Variants in FHIT observed in about 807,000 individuals in gnomAD.
FHIT encodes the protein bis(5'-adenosyl)-triphosphatase.
FHIT carries 19 observed loss-of-function variants against 17.9 expected under a neutral mutation model. The ratio of observed to expected loss-of-function variants is 1.06; its 90% confidence interval spans 0.74 to 1.56. The LOEUF (loss-of-function observed/expected upper bound fraction) is 1.56. Ranked by LOEUF, FHIT falls within the 40% of genes most tolerant of loss-of-function variation. FHIT has a pLI of 0.00. For synonymous variants in FHIT, 81 were observed against 69.7 expected (o/e 1.16, Z -0.81); for missense variants, 248 against 189.2 (o/e 1.31, Z -1.82).
At chr3:60,647,891 G>A (rs1246605455) in intron 4 of FHIT, among the ~76,000 whole-genome samples, 1 of 152,122 alleles carries the variant, frequency 6.6e-6, no homozygotes, top group South Asian at 2.1e-4. Context: ...TTATATACCT[G>A]GTGGCTTAAC....
intron 4 of FHIT, among the ~76,000 whole-genome samples, chr3:60,579,171 C>T (rs1195087564): frequency 2.6e-5 from 4 of 152,102 alleles, no homozygotes; most frequent in African/African-American, 9.7e-5. Flanking sequence ...ATAGCACAAA[C>T]ATCATAAGAG....
chr3:60,353,460 C>G (rs998829574), intron 5 of FHIT, among the ~76,000 whole-genome samples: 1 of 152,096 alleles, frequency 6.6e-6, no homozygotes, highest in African/African-American at 2.4e-5. Context: ...TCAGGGCACA[C>G]AGAACCTGAA....
At chr3:60,391,859 T>C (rs748454371) in intron 5 of FHIT, among the ~76,000 whole-genome samples, 3 of 152,160 alleles carry the variant, frequency 2.0e-5, no homozygotes, top group African/African-American at 2.4e-5. Flanking sequence ...TGCATTATTA[T>C]ATGTATTAAA....
chr3:60,620,461 C>T (rs782713277), intron 4 of FHIT, among the ~76,000 whole-genome samples: 14 of 151,728 alleles, frequency 9.2e-5, no homozygotes, highest in Non-Finnish European at 1.9e-4. Context: ...TTCAGCCATA[C>T]TAAAAAGAAA....
At chr3:61,019,174 T>C (rs1362515862) in intron 3 of FHIT, among the ~76,000 whole-genome samples, 1 of 152,226 alleles carries the variant, frequency 6.6e-6, no homozygotes, top group African/African-American at 2.4e-5. Context: ...TCAGCAACAA[T>C]GTACCCATAT....
intron 3 of FHIT, among the ~76,000 whole-genome samples, chr3:60,956,202 A>G (rs1334603938): frequency 1.3e-5 from 2 of 152,164 alleles, no homozygotes; most frequent in Non-Finnish European, 2.9e-5. Flanking sequence ...ACATCACAAA[A>G]CCCATATGTA....
intron 4 of FHIT, among the ~76,000 whole-genome samples, chr3:60,702,844 T>C (rs2041280635): frequency 6.6e-6 from 1 of 152,188 alleles, no homozygotes; most frequent in Non-Finnish European, 1.5e-5. Context: ...TGTTTGATTA[T>C]AGGTCTTTAT....
At chr3:61,198,294 A>C (rs952610963) in intron 2 of FHIT, among the ~76,000 whole-genome samples, 1 of 152,180 alleles carries the variant, frequency 6.6e-6, no homozygotes, top group African/African-American at 2.4e-5. Flanking sequence ...GTGGTCTCAT[A>C]GTACATGTTG....
At chr3:61,228,962 C>T (rs2040034837) in intron 1 of FHIT, among the ~76,000 whole-genome samples, 1 of 152,088 alleles carries the variant, frequency 6.6e-6, no homozygotes, top group Non-Finnish European at 1.5e-5. Context: ...TCTTACCATG[C>T]GGAAGGGAAA....
chr3:60,593,369 T>A (rs1275090621), intron 4 of FHIT, among the ~76,000 whole-genome samples: 8 of 152,226 alleles, frequency 5.3e-5, no homozygotes, highest in Admixed American at 4.6e-4. Flanking sequence ...CTATAATAAT[T>A]TTCTCTGGCA....
At chr3:60,741,370 T>A (rs545140301) in intron 4 of FHIT, among the ~76,000 whole-genome samples, 1 of 152,178 alleles carries the variant, frequency 6.6e-6, no homozygotes, top group Non-Finnish European at 1.5e-5. Flanking sequence ...AGGAACCCTA[T>A]CTGAGCTGTC....
intron 7 of FHIT, among the ~76,000 whole-genome samples, chr3:59,964,422 T>C (rs746051573): frequency 1.1e-4 from 16 of 152,164 alleles, no homozygotes; most frequent in Admixed American, 3.9e-4. Flanking sequence ...GTTAATAAAG[T>C]ACATTGACAT....
rs9829652 is a variant in FHIT, at chr3:61,197,638, T to A, written c.-164+2979A>T. 8.4e-4 allele frequency among the ~76,000 whole-genome samples: 128 copies of A among 152,268 alleles called. 1 individual carries two copies. Among genetic ancestry groups the A allele is most frequent in the African/African-American group, 2.0e-3 (85 of 41,560 alleles). On this transcript the variant is annotated intron_variant, in intron 2 of 9. Transcript: ENST00000492590. ...TGAGTTTTCAATCACATTTTACACA[T>A]CATTGAAAAGAAGGTGCTCAGTAGG...
chr3:61,182,675 T>C (rs762398576), intron 2 of FHIT, among the ~76,000 whole-genome samples: 14 of 152,082 alleles, frequency 9.2e-5, no homozygotes, highest in African/African-American at 1.9e-4. Context: ...ATTAATGAGA[T>C]TAAAGGTTGA....
At chr3:60,325,940 C>A (rs544014857) in intron 5 of FHIT, among the ~76,000 whole-genome samples, 1 of 152,270 alleles carries the variant, frequency 6.6e-6, no homozygotes, top group Non-Finnish European at 1.5e-5. Context: ...TGGCAGGGAT[C>A]TACTTAATTT....
chr3:60,341,937 G>C (rs1298988161), intron 5 of FHIT, among the ~76,000 whole-genome samples: 1 of 152,078 alleles, frequency 6.6e-6, no homozygotes, highest in South Asian at 2.1e-4. Flanking sequence ...GACCAGCGAG[G>C]ATTAGAAACG....
chr3:60,267,890 C>T (rs1296297492), intron 5 of FHIT, among the ~76,000 whole-genome samples: 1 of 152,062 alleles, frequency 6.6e-6, no homozygotes, highest in Non-Finnish European at 1.5e-5. Context: ...GTCTAAGAAG[C>T]TATTATGTGC....
intron 5 of FHIT, among the ~76,000 whole-genome samples, chr3:60,268,077 C>G (rs982286496): frequency 6.6e-6 from 1 of 152,142 alleles, no homozygotes; most frequent in African/African-American, 2.4e-5. Flanking sequence ...CTGTGGATAT[C>G]ATTCATAGAA....
At chr3:61,145,871 A>G (rs777184615) in intron 2 of FHIT, among the ~76,000 whole-genome samples, 6 of 152,070 alleles carry the variant, frequency 3.9e-5, no homozygotes, top group African/African-American at 9.7e-5. Context: ...ATCTTGCCAC[A>G]TTGCTGAACT....
Sources: gnomAD v4.1 joint callset for allele counts (sites outside exome capture counted in the v4.1 genomes callset) on GRCh38, gnomAD v4.1.1 for gene constraint, MANE v1.5 for transcripts, NCBI Gene and HGNC (gene_info 2026-07-23, HGNC 2026-07-21) for gene names.